LRRC37A3: variants seen among roughly 807,000 people sequenced by gnomAD.
LRRC37A3 encodes the protein leucine-rich repeat-containing protein 37A3.
Under a neutral mutation model 106.2 loss-of-function variants are expected in LRRC37A3, and 25 were observed. The ratio of observed to expected loss-of-function variants is 0.24; its 90% CI spans 0.17 to 0.33. The LOEUF (loss-of-function observed/expected upper bound fraction) is 0.33. LRRC37A3 is among the 10% of genes least tolerant of loss of function. The pLI, the probability that LRRC37A3 is intolerant of heterozygous loss-of-function variation, is 1.00. For synonymous variants in LRRC37A3, 305 were observed against 635.8 expected (o/e 0.48, Z 7.83); for missense variants, 712 against 1,644.9 (o/e 0.43, Z 9.81).
chr17:64,877,066 C>T (rs1973536655), intron 8 of LRRC37A3: 1 of 152,168 alleles, frequency 6.6e-6, no homozygotes, highest in Non-Finnish European at 1.5e-5. Context: ...GGTTTCACTA[C>T]AATTGTTGTT....
At chr17:64,899,607 A>T (rs1286612691) in intron 2 of LRRC37A3, among the ~76,000 whole-genome samples, 3 of 146,016 alleles carry the variant, frequency 2.1e-5, no homozygotes, top group Non-Finnish European at 4.4e-5. Context: ...CGTGGGAGAT[A>T]TTGAGATCCA....
At chr17:64,861,266 C>G (rs1400628014) in intron 11 of LRRC37A3, among the ~76,000 whole-genome samples, 5 of 152,190 alleles carry the variant, frequency 3.3e-5, no homozygotes, top group Non-Finnish European at 5.9e-5. Flanking sequence ...AGTGCTCAGT[C>G]AAAGCCCAAG....
intron 2 of LRRC37A3, among the ~76,000 whole-genome samples, chr17:64,902,039 A>C (rs1459536929): frequency 4.8e-5 from 7 of 146,130 alleles, no homozygotes; most frequent in Non-Finnish European, 1.0e-4. Flanking sequence ...AACATAATCT[A>C]ATAAATTCTT....
chr17:64,860,642 G>T lies in LRRC37A3; in HGVS notation c.3504C>A (p.Leu1168=). The part of the protein sequence containing the change: ...GKNRQRLNRV[L]MGPRSIQKRH... ...TTTTCTGGATGCTCCTTGGGCCCAT[G>T]AGGACTCTATTCAGTCTCTGCCGGT... Residue 1168 remains leucine, a synonymous_variant, in exon 12 of 15, where the codon CTC becomes CTA. Transcript: ENST00000584306. 1 of 1,613,976 alleles carries T rather than the reference G, an allele frequency of 6.2e-7. No individual in the cohort carries two copies. Among genetic ancestry groups the T allele is most frequent in the Non-Finnish European group, 8.5e-7 (1 of 1,179,872 alleles).
chr17:64,865,511 T>G (rs993547756), intron 10 of LRRC37A3, among the ~76,000 whole-genome samples: 2 of 152,242 alleles, frequency 1.3e-5, no homozygotes, highest in Non-Finnish European at 2.9e-5. Flanking sequence ...TTAGGATGGC[T>G]GGGAAACATT....
In LRRC37A3 at chr17:64,860,794, T is replaced by C. The variant is rs1248996604; in HGVS notation, c.3352A>G (p.Ser1118Gly). 23 of 1,614,078 alleles carry C rather than the reference T, an allele frequency of 1.4e-5. No homozygotes were observed. Among genetic ancestry groups the C allele is most frequent in the Non-Finnish European group, 1.8e-5 (21 of 1,180,036 alleles). ...TAAGGTAAGATGTAACTTAGTGTAC[T>C]GGTAACATCACTCTCGTCATTGGTG... Reference protein sequence around the residue: ...LDTNDESDVTSTLSYILPYFS... With the variant: ...LDTNDESDVTGTLSYILPYFS... Residue 1118 changes from serine to glycine, a missense_variant, in exon 12 of 15, where the codon AGT (serine) becomes GGT (glycine). Transcript: ENST00000584306.
In LRRC37A3 at chr17:64,860,615, C is replaced by G. The variant is rs186475770; in HGVS notation, c.3531G>C (p.Arg1177Ser). Residue 1177 changes from arginine to serine, a missense_variant, in exon 12 of 15, where the codon AGG (arginine) becomes AGC (serine). Transcript: ENST00000584306. ...TCTGCCTTCCTACCTCTTTGAAGTG[C>G]CTTTTCTGGATGCTCCTTGGGCCCA... ...VLMGPRSIQK[R>S]HFKEVGRQSI... 1 of 1,613,934 alleles carries G rather than the reference C, an allele frequency of 6.2e-7. No individual in the cohort carries two copies. The highest frequency in any genetic ancestry group is 8.5e-7 in the Non-Finnish European group (1 of 1,179,868).
At chr17:64,858,733 A>G (rs200518889) in intron 13 of LRRC37A3, 46 bp downstream of exon 13, 54 of 1,435,954 alleles carry the variant, frequency 3.8e-5, no homozygotes, top group Non-Finnish European at 4.7e-5. Flanking sequence ...AATCCACACA[A>G]AGACAGGACT....
intron 2 of LRRC37A3, among the ~76,000 whole-genome samples, chr17:64,903,956 C>T (rs1372809171): frequency 1.3e-5 from 2 of 151,906 alleles, no homozygotes; most frequent in Non-Finnish European, 2.9e-5. Context: ...CTGACCAACA[C>T]AGTGAAACCC....
chr17:64,869,198 C>G (rs745990146), intron 8 of LRRC37A3, 32 bp from the exon 9 acceptor site: 1 of 1,608,392 alleles, frequency 6.2e-7, no homozygotes, highest in Non-Finnish European at 8.5e-7. Flanking sequence ...AAATAACCTG[C>G]ATTTTCAATG....
At chr17:64,918,710 T>C (rs1397058394) in intron 2 of LRRC37A3, 40 bp downstream of exon 2, 3 of 366,786 alleles carry the variant, frequency 8.2e-6, no homozygotes, top group Non-Finnish European at 1.5e-5. Flanking sequence ...AACAAATAAA[T>C]TATACTTCAT....
chr17:64,875,111 CA>C (rs1463240973), intron 8 of LRRC37A3, among the ~76,000 whole-genome samples: 1 of 151,982 alleles, frequency 6.6e-6, no homozygotes, highest in Non-Finnish European at 1.5e-5. Context: ...TTAAAAAAAA[CA>C]AAAACAACAA....
At chr17:64,917,840 C>T (rs992567672) in intron 2 of LRRC37A3, among the ~76,000 whole-genome samples, 7 of 145,330 alleles carry the variant, frequency 4.8e-5, no homozygotes, top group African/African-American at 1.1e-4. Context: ...TAGTGGCGGG[C>T]GCCTGTAATC....
chr17:64,867,808 T>C (rs1376341037), intron 10 of LRRC37A3, among the ~76,000 whole-genome samples: 5 of 151,896 alleles, frequency 3.3e-5, no homozygotes, highest in Non-Finnish European at 7.4e-5. Flanking sequence ...GCAAGGTGGA[T>C]CTTATCTGTA....
At position 64,859,777 on chromosome 17, in the gene LRRC37A3, C is replaced by T. The variant is rs781316847; in HGVS notation, c.4369G>A (p.Glu1457Lys). The T allele has an allele frequency of 7.4e-6, 12 of 1,612,198 alleles. No homozygotes were observed. Among genetic ancestry groups the T allele is most frequent in the Middle Eastern group, 2.0e-4 (1 of 4,920 alleles). ...YNNVGTDLSP[E>K]PKSFNYPLLS... Reference sequence around the variant, plus strand: ...AATGGGTAATTGAAGCTTTTGGGCTCGGGGGACAGGTCAGTGCCCACGTTG... The same window carrying T: ...AATGGGTAATTGAAGCTTTTGGGCTTGGGGGACAGGTCAGTGCCCACGTTG... Residue 1457 changes from glutamate (E) to lysine (K), a missense_variant, in exon 12 of 15, where the codon GAG becomes AAG. Glu to Lys is a moderately conservative substitution (Grantham distance 56). Transcript: ENST00000584306.
chr17:64,855,232 A>G (rs1972637640), intron 14 of LRRC37A3, among the ~76,000 whole-genome samples: 1 of 152,022 alleles, frequency 6.6e-6, no homozygotes, highest in East Asian at 1.9e-4. Flanking sequence ...GGGAAAAAAA[A>G]AAAGAAATAA....
At position 64,859,876 on chromosome 17, in the gene LRRC37A3, C is replaced by T. The variant is rs1342617818; in HGVS notation, c.4270G>A (p.Glu1424Lys). ...SENTNYNHPP[E>K]ADSAGTAFNL... ...AATGCAGTCCCAGCGGAATCTGCCTCAGGAGGATGATTGTAGTTTGTGTTT... is the reference window on the plus strand; with the variant it reads ...AATGCAGTCCCAGCGGAATCTGCCTTAGGAGGATGATTGTAGTTTGTGTTT... Residue 1424 changes from glutamate (E) to lysine (K), a missense_variant, in exon 12 of 15, where the codon GAG becomes AAG. Transcript: ENST00000584306. The T allele has an allele frequency of 1.2e-6, 2 of 1,613,154 alleles. No homozygotes were observed. The highest frequency in any genetic ancestry group is 1.7e-6 in the Non-Finnish European group (2 of 1,179,852).
intron 8 of LRRC37A3, among the ~76,000 whole-genome samples, chr17:64,873,949 AC>A (rs1306422548): frequency 6.6e-5 from 10 of 152,204 alleles, no homozygotes; most frequent in Admixed American, 6.5e-4. Context: ...AGCTCAAGGA[AC>A]TACAAGTAGG....
intron 2 of LRRC37A3, among the ~76,000 whole-genome samples, chr17:64,905,066 G>T (rs1378140979): frequency 3.0e-3 from 448 of 150,768 alleles, no homozygotes; most frequent in African/African-American, 0.01. Context: ...ATAAATCAAT[G>T]TATTAAATAA....
Sources: gnomAD v4.1 joint callset for allele counts (sites outside exome capture counted in the v4.1 genomes callset) on GRCh38, gnomAD v4.1.1 for gene constraint, MANE v1.5 for transcripts, NCBI Gene and HGNC (gene_info 2026-07-23, HGNC 2026-07-21) for gene names.